The following RALYL variants were observed in gnomAD, a reference collection of about 807,000 sequenced individuals.
The protein encoded by RALYL is RALY RNA binding protein like.
In RALYL, 29 loss-of-function variants were observed where a neutral mutation model predicts 35.1. The observed-to-expected ratio is 0.83, with a 90% CI of 0.61 to 1.13. The LOEUF (loss-of-function observed/expected upper bound fraction) is 1.13, where lower values mean the gene tolerates loss of function less well. Among genes scored for constraint, RALYL ranks in the 50% most tolerant of loss-of-function variants. RALYL has a pLI of 0.00. For synonymous variants in RALYL, 120 were observed against 127.6 expected (o/e 0.94, Z 0.40); for missense variants, 359 against 360.4 (o/e 1.00, Z 0.03).
intron 1 of RALYL, among the ~76,000 whole-genome samples, chr8:84,231,431 G>A (rs527877538): frequency 4.8e-4 from 73 of 152,176 alleles, no homozygotes; most frequent in Non-Finnish European, 7.9e-4. Flanking sequence ...TAGTTATTGA[G>A]ATACTGTTGA....
intron 1 of RALYL, among the ~76,000 whole-genome samples, chr8:84,187,358 G>A (rs1020571007): frequency 1.3e-5 from 2 of 152,092 alleles, no homozygotes; most frequent in South Asian, 2.1e-4. Flanking sequence ...GTGGTCTGTT[G>A]AAGAATATTT....
At chr8:84,622,095 T>C (rs893399191) in intron 2 of RALYL, among the ~76,000 whole-genome samples, 2 of 152,208 alleles carry the variant, frequency 1.3e-5, no homozygotes, top group Non-Finnish European at 2.9e-5. Context: ...GAGTTGCTAC[T>C]GTATCAGTTA....
rs1351536528 is a variant in RALYL at position 84,184,915 on chromosome 8, C to A, written c.-24+491C>A. The A allele has an allele frequency of 2.6e-6, 4 of 1,551,774 alleles. No individual in the cohort carries two copies. In the East Asian group the frequency reaches 9.0e-5, roughly 35 times the overall value. ...TTCCGGAGGGGCTGGCTCCAGGCCA[C>A]GCGAGCCGGAGCTGGAGACATTTCC... On this transcript the variant is annotated intron_variant, in intron 1 of 8. Coordinates refer to ENST00000521268, the MANE Select transcript of RALYL (RefSeq NM_173848.7).
chr8:84,761,340 G>T (rs1812658505), intron 2 of RALYL, among the ~76,000 whole-genome samples: 1 of 151,634 alleles, frequency 6.6e-6, no homozygotes, highest in Admixed American at 6.6e-5. Context: ...TGATACATAA[G>T]TCAAAAAAAC....
chr8:84,634,005 T>A lies in RALYL; in HGVS notation c.256+104428T>A, dbSNP rs529292367. On this transcript the variant is annotated intron_variant, in intron 2 of 8. Transcript: ENST00000521268. ...ATGAATATAAATAACTTAGTACAGT[T>A]CCTGTCAAACAAAATACCTCATTAC... Among the ~76,000 whole-genome samples, 7 of 152,020 alleles carry A rather than the reference T, an allele frequency of 4.6e-5. No homozygotes were observed. The East Asian group carries it at 1.2e-3, about 25-fold the overall frequency.
chr8:84,515,733 A>G (rs1002355175), intron 1 of RALYL, among the ~76,000 whole-genome samples: 4 of 152,158 alleles, frequency 2.6e-5, no homozygotes, highest in Non-Finnish European at 4.4e-5. Context: ...CTGTCTAAAA[A>G]TGGAATAAAT....
chr8:84,679,649 G>A (rs1834954904), intron 2 of RALYL: 1 of 490,704 alleles, frequency 2.0e-6, no homozygotes, highest in Non-Finnish European at 4.1e-6. Context: ...TGGTGCTGGA[G>A]GTGACAATGA....
chr8:84,776,652 C>T (rs1816912872), intron 3 of RALYL, among the ~76,000 whole-genome samples: 1 of 143,366 alleles, frequency 7.0e-6, no homozygotes, highest in African/African-American at 2.5e-5. Flanking sequence ...AAACAAGCTG[C>T]CAATGGCTTT....
At chr8:84,721,734 T>G (rs1389337437) in intron 2 of RALYL, among the ~76,000 whole-genome samples, 1 of 152,140 alleles carries the variant, frequency 6.6e-6, no homozygotes, top group Admixed American at 6.6e-5. Flanking sequence ...TTGAACCAAG[T>G]CCAGGACATA....
chr8:84,760,341 G>T (rs1812396348), intron 2 of RALYL, among the ~76,000 whole-genome samples: 1 of 151,970 alleles, frequency 6.6e-6, no homozygotes, highest in Admixed American at 6.6e-5. Flanking sequence ...TGTACTTGAA[G>T]TTGGTTATGT....
At chr8:84,878,116 G>T (rs191655442) in intron 7 of RALYL, among the ~76,000 whole-genome samples, 135 of 152,252 alleles carry the variant, frequency 8.9e-4, no homozygotes, top group African/African-American at 3.2e-3. Context: ...TTGAAAGTCT[G>T]TTTAGGAAAC....
chr8:84,724,326 A>G (rs566713272), intron 2 of RALYL, among the ~76,000 whole-genome samples: 1 of 151,962 alleles, frequency 6.6e-6, no homozygotes, highest in African/African-American at 2.4e-5. Context: ...CAGTAACAGT[A>G]TAAATGACAA....
intron 2 of RALYL, among the ~76,000 whole-genome samples, chr8:84,617,006 A>G (rs1819883470): frequency 6.7e-6 from 1 of 150,372 alleles, no homozygotes. Flanking sequence ...CTTGTAGTAT[A>G]GTTTGAAGTC....
At chr8:84,717,434 C>T (rs533892734) in intron 2 of RALYL, among the ~76,000 whole-genome samples, 88 of 152,166 alleles carry the variant, frequency 5.8e-4, no homozygotes, top group African/African-American at 1.9e-3. Flanking sequence ...AATTAATCAA[C>T]AGTTGTAGTA....
rs141546470 is a variant in RALYL, at chr8:84,583,866, A to G, written c.256+54289A>G. 6.8e-4 allele frequency among the ~76,000 whole-genome samples: 104 copies of G among 152,320 alleles called. 1 individual carries two copies. In the East Asian group the frequency reaches 0.019, roughly 28 times the overall value. Reference sequence around the variant, plus strand: ...AAAACAGAGGCTTAGGAATAGTGAAATTATTAACCCAGTTTAGAACCTGAA... The same window carrying G: ...AAAACAGAGGCTTAGGAATAGTGAAGTTATTAACCCAGTTTAGAACCTGAA... On this transcript the variant is annotated intron_variant, in intron 2 of 8. Transcript: ENST00000521268.
intron 3 of RALYL, among the ~76,000 whole-genome samples, chr8:84,783,107 T>C (rs941895669): frequency 3.3e-5 from 5 of 152,216 alleles, no homozygotes; most frequent in African/African-American, 1.2e-4. Flanking sequence ...AGGATATGTT[T>C]TTCCTTCCAT....
At chr8:84,475,845 G>A (rs1447670672) in intron 1 of RALYL, among the ~76,000 whole-genome samples, 1 of 152,110 alleles carries the variant, frequency 6.6e-6, no homozygotes, top group Non-Finnish European at 1.5e-5. Context: ...GGCTGGCATA[G>A]TCTAGGTTGA....
intron 1 of RALYL, among the ~76,000 whole-genome samples, chr8:84,415,396 C>A (rs977376199): frequency 6.6e-6 from 1 of 151,898 alleles, no homozygotes; most frequent in Non-Finnish European, 1.5e-5. Flanking sequence ...CCTGCCACGA[C>A]GCTTGGCTAA....
chr8:84,686,610 G>A (rs1335018415), intron 2 of RALYL, among the ~76,000 whole-genome samples: 1 of 151,870 alleles, frequency 6.6e-6, no homozygotes, highest in Admixed American at 6.6e-5. Context: ...TCACCATGTT[G>A]GCCAGGCTGG....
Sources: allele counts gnomAD v4.1 joint callset (sites outside exome capture counted in the v4.1 genomes callset), GRCh38; gene constraint gnomAD v4.1.1; transcripts MANE v1.5; gene names NCBI Gene and HGNC (gene_info 2026-07-23, HGNC 2026-07-21).